Variants in ARPC2 observed in about 807,000 individuals in gnomAD.
The protein encoded by ARPC2 is actin-related protein 2/3 complex subunit 2.
A neutral mutation model predicts 38.6 loss-of-function variants in ARPC2; 4 were observed. The ratio of observed to expected loss-of-function variants is 0.10; its 90% CI spans 0.05 to 0.24. ARPC2 has a LOEUF of 0.24. Ranked by LOEUF, ARPC2 falls within the 10% of genes least tolerant of loss-of-function variation. The pLI is 1.00. For missense variants in ARPC2, 229 were observed against 387.3 expected (o/e 0.59, Z 3.43); for synonymous variants, 125 against 140.8 (o/e 0.89, Z 0.79).
At chr2:218,238,236 C>T (rs570593452) in intron 5 of ARPC2, among the ~76,000 whole-genome samples, 4 of 152,138 alleles carry the variant, frequency 2.6e-5, no homozygotes, top group Non-Finnish European at 4.4e-5. Context: ...CATACTGATA[C>T]TTGGCACATT....
chr2:218,230,211 A>G (rs1039731398), intron 4 of ARPC2, among the ~76,000 whole-genome samples: 2 of 149,332 alleles, frequency 1.3e-5, no homozygotes, highest in African/African-American at 4.9e-5. Flanking sequence ...ACCTCAGGTG[A>G]TCTGCCTGCC....
rs1689834707 is a variant in ARPC2 at position 218,238,658 on chromosome 2, C to T, written c.269-6C>T. 6.5e-7 allele frequency: 1 copy of T among 1,531,844 alleles called. No homozygotes were observed. The highest frequency in any genetic ancestry group is 2.4e-5 in the East Asian group (1 of 41,778). 94.9% of individuals were successfully genotyped at this position (1,531,844 alleles called of 1,614,324 possible). On this transcript the variant is annotated splice_region_variant and splice_polypyrimidine_tract_variant and intron_variant, in intron 5 of 10. Coordinates refer to ENST00000315717, the MANE Select transcript of ARPC2 (RefSeq NM_152862.3). ...TTTTTGTTTCTTGTTTTTTCTTTCC[C>T]TCCAGGATACAATGTCTCTTTGCTA...
At chr2:218,242,175 GAA>G (rs1689931222) in intron 7 of ARPC2, among the ~76,000 whole-genome samples, 1 of 152,150 alleles carries the variant, frequency 6.6e-6, no homozygotes, top group African/African-American at 2.4e-5. Context: ...CTACCTCTCA[GAA>G]AAAGACAGGA....
Position 218,246,801 on chromosome 2 carries a change from C to A in ARPC2, c.676+1255C>A, listed in dbSNP as rs147644277. On this transcript the variant is annotated intron_variant, in intron 8 of 10. Transcript: ENST00000315717. ...ACCTGGCCAACATGGTGAAACCACA[C>A]CTCTACTAAAAATACAAAAATTAGT... Among the ~76,000 whole-genome samples the A allele has an allele frequency of 3.1e-3, 478 of 152,186 alleles. 1 individual carries two copies. Among genetic ancestry groups the A allele is most frequent in the African/African-American group, 0.01 (435 of 41,522 alleles).
chr2:218,233,955 A>G (rs1196684135), intron 4 of ARPC2: 1 of 156,686 alleles, frequency 6.4e-6, no homozygotes, highest in Non-Finnish European at 1.4e-5. Context: ...ATCCAAGGTC[A>G]GTAGTTCAAG....
intron 8 of ARPC2, among the ~76,000 whole-genome samples, chr2:218,247,863 A>C (rs1690084287): frequency 6.6e-6 from 1 of 151,998 alleles, no homozygotes; most frequent in African/African-American, 2.4e-5. Context: ...GAATGGCGTG[A>C]ACCTGGGAGG....
intron 2 of ARPC2, among the ~76,000 whole-genome samples, chr2:218,221,697 T>A (rs1689387230): frequency 6.6e-6 from 1 of 152,232 alleles, no homozygotes; most frequent in African/African-American, 2.4e-5. Context: ...GATAGAATGA[T>A]TCCTTGTTTC....
intron 10 of ARPC2, among the ~76,000 whole-genome samples, chr2:218,252,329 A>G (rs899343695): frequency 1.1e-4 from 16 of 152,296 alleles, no homozygotes; most frequent in African/African-American, 3.8e-4. Flanking sequence ...AAATGGCAGC[A>G]TCGTTTCTTT....
chr2:218,232,216 G>C (rs1467163114), intron 4 of ARPC2, among the ~76,000 whole-genome samples: 1 of 152,146 alleles, frequency 6.6e-6, no homozygotes, highest in Non-Finnish European at 1.5e-5. Flanking sequence ...ACTCCAGCCT[G>C]GGTGACAGAG....
At chr2:218,218,527 T>C (rs561436045) in intron 2 of ARPC2, among the ~76,000 whole-genome samples, 2 of 152,374 alleles carry the variant, frequency 1.3e-5, no homozygotes, top group South Asian at 2.1e-4. Flanking sequence ...TGGGTTCTAA[T>C]TTTTGGTGGC....
intron 2 of ARPC2, among the ~76,000 whole-genome samples, chr2:218,221,701 T>A (rs182971851): frequency 6.6e-6 from 1 of 152,368 alleles, no homozygotes; most frequent in African/African-American, 2.4e-5. Flanking sequence ...GAATGATTCC[T>A]TGTTTCTTTA....
At chr2:218,251,802 G>A (rs1384923934) in intron 10 of ARPC2, among the ~76,000 whole-genome samples, 2 of 152,156 alleles carry the variant, frequency 1.3e-5, no homozygotes, top group Non-Finnish European at 2.9e-5. Flanking sequence ...GGTACGCCTA[G>A]GGCTTTACAC....
At position 218,226,307 on chromosome 2, in the gene ARPC2, G is replaced by A. The variant is rs539362258; in HGVS notation, c.109+353G>A. On this transcript the variant is annotated intron_variant, in intron 3 of 10. Coordinates refer to ENST00000315717, the MANE Select transcript of ARPC2 (RefSeq NM_152862.3). ...ACTGTCTCAAAAAAAAAAAGAGAGA[G>A]ACAAGAAAAGAAAATTGTACCTAAA... Among the ~76,000 whole-genome samples, 12 of 143,064 alleles carry A rather than the reference G, an allele frequency of 8.4e-5. No homozygotes were observed. The East Asian group carries it at 2.6e-3, about 31-fold the overall frequency. The allele number at this position is 143,064 out of a possible 152,430, so 93.9% of individuals were successfully genotyped here.
Position 218,239,226 on chromosome 2 carries a change from T to A in ARPC2, c.456-165T>A. 3 of 608,968 alleles carry A rather than the reference T, an allele frequency of 4.9e-6. No homozygotes were observed. In the South Asian group the frequency reaches 6.1e-5, roughly 12 times the overall value. 37.7% of individuals were successfully genotyped at this position (608,968 alleles called of 1,614,324 possible). On this transcript the variant is annotated intron_variant, in intron 6 of 10. Transcript: ENST00000315717. ...GCTGCCTCTCTTAGGGCATTCATTT[T>A]GTGCACTGACTTTGTTGACCATAAA...
intron 4 of ARPC2, among the ~76,000 whole-genome samples, chr2:218,231,455 G>A (rs1277131720): frequency 6.6e-6 from 1 of 152,198 alleles, no homozygotes; most frequent in Non-Finnish European, 1.5e-5. Flanking sequence ...CACCACATCT[G>A]ATTTCCCCTT....
chr2:218,220,080 T>TC (rs1689349715), intron 2 of ARPC2, among the ~76,000 whole-genome samples: 1 of 152,126 alleles, frequency 6.6e-6, no homozygotes, highest in African/African-American at 2.4e-5. Flanking sequence ...AAGGGGCCTC[T>TC]CTGAGAGCCT....
At chr2:218,251,215 G>GT (rs1690182655) in intron 10 of ARPC2, among the ~76,000 whole-genome samples, 1 of 151,860 alleles carries the variant, frequency 6.6e-6, no homozygotes, top group Non-Finnish European at 1.5e-5. Flanking sequence ...TTTTGTTTTT[G>GT]TTTTTTGTTT....
chr2:218,231,784 GT>G (rs757357011), intron 4 of ARPC2, among the ~76,000 whole-genome samples: 53 of 152,308 alleles, frequency 3.5e-4, no homozygotes, highest in Non-Finnish European at 1.5e-4. Context: ...TAGGAAAATG[GT>G]TAAATAAATA....
chr2:218,218,850 G>C (rs1689320666), intron 2 of ARPC2, among the ~76,000 whole-genome samples: 1 of 152,228 alleles, frequency 6.6e-6, no homozygotes, highest in Non-Finnish European at 1.5e-5. Flanking sequence ...AATACGTGTA[G>C]TGAGCAGTAC....
Sources: gnomAD v4.1 joint callset for allele counts (sites outside exome capture counted in the v4.1 genomes callset) on GRCh38, gnomAD v4.1.1 for gene constraint, MANE v1.5 for transcripts, NCBI Gene and HGNC (gene_info 2026-07-23, HGNC 2026-07-21) for gene names.